Variants in CDH23 observed in about 807,000 individuals in gnomAD.
The protein encoded by CDH23 is cadherin related 23, also known as cadherin-23.
In CDH23, 189 loss-of-function variants were observed where a neutral mutation model predicts 317.1. The ratio of observed to expected loss-of-function variants is 0.60; its 90% CI spans 0.53 to 0.67. The LOEUF (loss-of-function observed/expected upper bound fraction) is 0.67, where lower values mean the gene tolerates loss of function less well. CDH23 is among the 30% of genes least tolerant of loss of function. The pLI is 0.00. For synonymous variants in CDH23, 1,839 were observed against 1,876.8 expected (o/e 0.98, Z 0.52); for missense variants, 4,401 against 4,592.4 (o/e 0.96, Z 1.20).
chr10:71,755,904 ATT>A (rs1840130423), intron 38 of CDH23, among the ~76,000 whole-genome samples: 1 of 152,198 alleles, frequency 6.6e-6, no homozygotes, highest in Non-Finnish European at 1.5e-5. Flanking sequence ...ACGGTTGCAC[ATT>A]GTGAATGTAA....
intron 6 of CDH23, among the ~76,000 whole-genome samples, chr10:71,525,558 G>A (rs557318888): frequency 6.6e-6 from 1 of 152,294 alleles, no homozygotes; most frequent in East Asian, 1.9e-4. Flanking sequence ...GCTGGGAAGA[G>A]GCCCCATGGA....
At chr10:71,773,555 G>C (rs1840741371) in intron 38 of CDH23, 9 of 998,604 alleles carry the variant, frequency 9.0e-6, no homozygotes, top group Admixed American at 3.5e-5. Flanking sequence ...GGCGGCCCCA[G>C]CGCCGTGCTC....
At chr10:71,487,908 C>A (rs1297602212) in intron 3 of CDH23, among the ~76,000 whole-genome samples, 1 of 152,254 alleles carries the variant, frequency 6.6e-6, no homozygotes, top group Non-Finnish European at 1.5e-5. Flanking sequence ...CTTATTAATG[C>A]TCTTTATGAC....
chr10:71,795,943 G>T (rs1841390661), intron 48 of CDH23: 14 of 986,152 alleles, frequency 1.4e-5, no homozygotes, highest in Non-Finnish European at 1.7e-5. Context: ...CCTGTCCTGT[G>T]GGGCCTGGGC....
intron 3 of CDH23, among the ~76,000 whole-genome samples, chr10:71,459,761 T>C (rs898643851): frequency 1.3e-5 from 2 of 152,186 alleles, no homozygotes; most frequent in African/African-American, 4.8e-5. Context: ...CACCTGCTAC[T>C]AGCAGGCTGA....
At chr10:71,441,985 C>A (rs1452972597) in intron 2 of CDH23, among the ~76,000 whole-genome samples, 1 of 152,174 alleles carries the variant, frequency 6.6e-6, no homozygotes, top group Non-Finnish European at 1.5e-5. Context: ...AAAATGGGAA[C>A]AATAATAGGA....
rs1307608854 is a variant in CDH23, at chr10:71,646,581, G to A, written c.1413G>A (p.Glu471=). The part of the protein sequence containing the change: ...SQPLYNISLY[E]NVTVGTSVLT... ...CACTGTACAACATCAGCCTGTACGA[G>A]AACGTCACCGTGGGGACCTCTGTGC... The change falls in exon 14 of 70, where the codon GAG becomes GAA. Residue 471 remains glutamate (E), a synonymous_variant. Coordinates refer to ENST00000224721, the MANE Select transcript of CDH23 (RefSeq NM_022124.6). The A allele has an allele frequency of 1.2e-6, 2 of 1,613,878 alleles. No homozygotes were observed. The highest frequency in any genetic ancestry group is 1.7e-6 in the Non-Finnish European group (2 of 1,179,906).
chr10:71,514,223 G>A (rs1854150103), intron 6 of CDH23, among the ~76,000 whole-genome samples: 1 of 152,150 alleles, frequency 6.6e-6, no homozygotes, highest in Non-Finnish European at 1.5e-5. Flanking sequence ...AATTTCCCAG[G>A]GGACTGGTTA....
rs745772510 is a variant in CDH23 at position 71,511,184 on chromosome 10, A to G, written c.401A>G (p.Asn134Ser). Residue 134 changes from asparagine to serine, a missense_variant, in exon 6 of 70, where the codon AAT becomes AGT. Around this residue, in one of 3 missense-constraint regions of CDH23, gnomAD observed 3,068 missense variants for 3,203.3 expected, o/e 0.96. Transcript: ENST00000224721. ...AATGACAACGCGCCCACATTTCACA[A>G]TCAGCCCTACAGCGTCCGCATCCCT... ...DVNDNAPTFH[N>S]QPYSVRIPEN... The G allele has an allele frequency of 6.2e-7, 1 of 1,613,614 alleles. No homozygotes were observed. The highest frequency in any genetic ancestry group is 8.5e-7 in the Non-Finnish European group (1 of 1,179,634).
At chr10:71,559,100 C>T (rs1254828285) in intron 6 of CDH23, among the ~76,000 whole-genome samples, 1 of 152,168 alleles carries the variant, frequency 6.6e-6, no homozygotes, top group South Asian at 2.1e-4. Flanking sequence ...CTGGTGTCTC[C>T]GGGTCCTGAG....
At chr10:71,811,122 G>C (rs572511715) in intron 62 of CDH23, among the ~76,000 whole-genome samples, 193 bp from the exon 63 acceptor site, 2 of 146,702 alleles carry the variant, frequency 1.4e-5, no homozygotes, top group South Asian at 4.4e-4. Context: ...TCCATCCACT[G>C]TAAGGATGGA....
intron 3 of CDH23, among the ~76,000 whole-genome samples, chr10:71,504,674 G>A (rs1477608328): frequency 2.0e-5 from 3 of 152,170 alleles, no homozygotes; most frequent in Non-Finnish European, 2.9e-5. Flanking sequence ...ATCCTCTGCC[G>A]CACTGATTGA....
intron 37 of CDH23, among the ~76,000 whole-genome samples, chr10:71,741,395 C>T (rs1839728438): frequency 6.6e-6 from 1 of 152,130 alleles, no homozygotes; most frequent in South Asian, 2.1e-4. Context: ...GCTGTGTGGA[C>T]TTGCACACAT....
chr10:71,535,528 C>T (rs905395394), intron 6 of CDH23, among the ~76,000 whole-genome samples: 1 of 152,216 alleles, frequency 6.6e-6, no homozygotes, highest in Admixed American at 6.5e-5. Context: ...GGTGAGGCCA[C>T]TCAGGGGGTC....
At chr10:71,669,932 C>T (rs191220567) in intron 14 of CDH23, among the ~76,000 whole-genome samples, 39 of 152,176 alleles carry the variant, frequency 2.6e-4, no homozygotes, top group African/African-American at 8.4e-4. Context: ...ACCCGGGAGG[C>T]GGAGGTTGCA....
At chr10:71,567,020 T>C in intron 7 of CDH23, 84 bp downstream of exon 7, 1 of 1,247,904 alleles carries the variant, frequency 8.0e-7, no homozygotes, top group Non-Finnish European at 1.1e-6. Flanking sequence ...CAATGGGACA[T>C]TGACCCAGTG....
At chr10:71,796,054 G>A (rs9664238) in intron 48 of CDH23, 25 of 986,852 alleles carry the variant, frequency 2.5e-5, no homozygotes, top group Non-Finnish European at 3.0e-5. Context: ...AAGAGGAGGA[G>A]GAGGAGGAGG....
intron 6 of CDH23, among the ~76,000 whole-genome samples, chr10:71,529,714 C>T (rs1354080882): frequency 6.6e-6 from 1 of 152,142 alleles, no homozygotes; most frequent in Non-Finnish European, 1.5e-5. Flanking sequence ...TACTTTAAGA[C>T]TGTCTCTCCC....
chr10:71,746,848 G>A (rs775219228), intron 38 of CDH23, among the ~76,000 whole-genome samples: 4 of 152,144 alleles, frequency 2.6e-5, no homozygotes, highest in Admixed American at 6.5e-5. Flanking sequence ...ATCTCCCACC[G>A]CCCCCTTCTG....
Sources: gnomAD v4.1 joint callset for allele counts (sites outside exome capture counted in the v4.1 genomes callset) on GRCh38, gnomAD v4.1.1 for gene constraint, gnomAD v4.1.1 regional missense constraint, MANE v1.5 for transcripts, NCBI Gene and HGNC (gene_info 2026-07-23, HGNC 2026-07-21) for gene names.